GOLGA7B: variants seen among roughly 807,000 people sequenced by gnomAD.
GOLGA7B encodes the protein golgin subfamily A member 7B.
In GOLGA7B, 17 loss-of-function variants were observed where a neutral mutation model predicts 21.5. The observed-to-expected ratio is 0.79, with a 90% confidence interval of 0.54 to 1.19. The LOEUF is 1.19. Ranked by LOEUF, GOLGA7B falls within the 50% of genes most tolerant of loss-of-function variation. The pLI, the probability that GOLGA7B is intolerant of heterozygous loss-of-function variation, is 0.00. For synonymous variants in GOLGA7B, 87 were observed against 84.0 expected (o/e 1.04, Z -0.19); for missense variants, 169 against 224.4 (o/e 0.75, Z 1.58).
rs371480295 is a variant in GOLGA7B, at chr10:97,865,571, C to T, written c.394-19C>T. The stretch of plus-strand genomic sequence containing the variant: ...GCTCAGCAGCTGGGCTCGCAGCTCT[C>T]CTTAACCACCGACCCCAGATTGAGA... On this transcript the variant is annotated intron_variant, in intron 4 of 4. Transcript: ENST00000370602. 1.7e-5 allele frequency: 28 copies of T among 1,612,082 alleles called. No individual in the cohort carries two copies. The African/African-American group carries it at 3.7e-4, about 22-fold the overall frequency.
At chr10:97,855,981 ACCTTTTCAGGAC>A (rs2049932864) in intron 1 of GOLGA7B, among the ~76,000 whole-genome samples, 1 of 152,162 alleles carries the variant, frequency 6.6e-6, no homozygotes, top group Non-Finnish European at 1.5e-5. Flanking sequence ...TTGGATTCCC[ACCTTTTCAGGAC>A]CTTGATCTAC....
intron 2 of GOLGA7B, among the ~76,000 whole-genome samples, chr10:97,862,123 CA>C (rs1251499479): frequency 6.6e-6 from 1 of 152,226 alleles, no homozygotes; most frequent in African/African-American, 2.4e-5. Flanking sequence ...TCTGGTGTTA[CA>C]CAGTGAAGAG....
Position 97,868,280 on chromosome 10 carries a change from TCA to T in GOLGA7B, c.*2583_*2584del, listed in dbSNP as rs1301014054. 2 of 152,306 alleles carry T rather than the reference TCA, an allele frequency of 1.3e-5. No homozygotes were observed. Among genetic ancestry groups the T allele is most frequent in the Non-Finnish European group, 2.9e-5 (2 of 68,096 alleles). 9.4% of individuals were successfully genotyped at this position (152,306 alleles called of 1,614,324 possible). On this transcript the variant is annotated 3_prime_UTR_variant, in exon 5 of 5. Coordinates refer to ENST00000370602, the MANE Select transcript of GOLGA7B (RefSeq NM_001010917.3). ...GGATTTAAAGATCACTTGAATCCTG[TCA>T]CAGAGGTCCAGAGAGGGTGGGTGAC...
At chr10:97,860,646 C>T (rs1039691610) in intron 2 of GOLGA7B, among the ~76,000 whole-genome samples, 1 of 152,216 alleles carries the variant, frequency 6.6e-6, no homozygotes, top group African/African-American at 2.4e-5. Flanking sequence ...AGCCACCATG[C>T]CCAGCCCAAA....
chr10:97,865,268 C>G (rs964384873), intron 4 of GOLGA7B: 1 of 342,324 alleles, frequency 2.9e-6, no homozygotes, highest in Non-Finnish European at 5.3e-6. Flanking sequence ...GTGACACCAC[C>G]TCCCTGGGCA....
rs1280400545 is a variant in GOLGA7B at position 97,865,641 on chromosome 10, G to A, written c.445G>A (p.Gly149Ser). 1.2e-5 allele frequency: 20 copies of A among 1,612,130 alleles called. No homozygotes were observed. The highest frequency in any genetic ancestry group is 1.2e-4 in the African/African-American group (9 of 74,896). ...DRCSSGSSSS[G>S]SSSGSGSSSG... ...GTGCAGCAGTGGCAGCTCCAGCAGC[G>A]GCAGCAGCAGCGGCAGTGGCAGCAG... Residue 149 changes from glycine to serine, a missense_variant, in exon 5 of 5, where the codon GGC (glycine) becomes AGC (serine). Gly to Ser is a moderately conservative substitution (Grantham distance 56). Transcript: ENST00000370602.
Position 97,865,574 on chromosome 10 carries a change from T to C in GOLGA7B, c.394-16T>C. 6.2e-7 allele frequency: 1 copy of C among 1,612,208 alleles called. No homozygotes were observed. Among genetic ancestry groups the C allele is most frequent in the Non-Finnish European group, 8.5e-7 (1 of 1,178,504 alleles). On this transcript the variant is annotated splice_polypyrimidine_tract_variant and intron_variant, in intron 4 of 4. Coordinates refer to ENST00000370602, the MANE Select transcript of GOLGA7B (RefSeq NM_001010917.3). ...CAGCAGCTGGGCTCGCAGCTCTCCTTAACCACCGACCCCAGATTGAGATCT... is the reference window on the plus strand; with the variant it reads ...CAGCAGCTGGGCTCGCAGCTCTCCTCAACCACCGACCCCAGATTGAGATCT...
At chr10:97,863,579 T>G (rs1332114929) in intron 2 of GOLGA7B, among the ~76,000 whole-genome samples, 1 of 152,224 alleles carries the variant, frequency 6.6e-6, no homozygotes, top group African/African-American at 2.4e-5. Context: ...TCGTTTGATC[T>G]TCTGCAGAAA....
chr10:97,859,707 A>G, intron 2 of GOLGA7B, 124 bp downstream of exon 2: 1 of 935,662 alleles, frequency 1.1e-6, no homozygotes, highest in Non-Finnish European at 1.6e-6. Context: ...ATGTTTGGCC[A>G]CTTCAAAAGG....
chr10:97,862,103 T>C (rs1056195476), intron 2 of GOLGA7B, among the ~76,000 whole-genome samples: 1 of 152,234 alleles, frequency 6.6e-6, no homozygotes, highest in African/African-American at 2.4e-5. Context: ...GAATGTGACC[T>C]TCCCGGCTGT....
rs1224482055 is a variant in GOLGA7B, at chr10:97,850,201, G to A, written c.-103G>A. 4 of 760,602 alleles carry A rather than the reference G, an allele frequency of 5.3e-6. No homozygotes were observed. The highest frequency in any genetic ancestry group is 5.6e-6 in the Non-Finnish European group (3 of 531,154). The allele number at this position is 760,602 out of a possible 1,614,324, so 47.1% of individuals were successfully genotyped here. ...ATCAGCACTGCGGACAGCGCCCCGG[G>A]CCCCAGCTCGCCGCCACCGCCGCCG... On this transcript the variant is annotated 5_prime_UTR_variant, in exon 1 of 5. Transcript: ENST00000370602.
intron 1 of GOLGA7B, among the ~76,000 whole-genome samples, chr10:97,856,926 G>GT (rs992729800): frequency 1.3e-4 from 20 of 151,686 alleles, no homozygotes; most frequent in African/African-American, 3.9e-4. Context: ...TAATGGGGTT[G>GT]TTTTTTTTCT....
intron 2 of GOLGA7B, among the ~76,000 whole-genome samples, chr10:97,861,690 C>T (rs994085621): frequency 3.5e-4 from 53 of 152,356 alleles, no homozygotes; most frequent in African/African-American, 1.2e-3. Context: ...CACTCAGCAG[C>T]CCAGGTAGAT....
In GOLGA7B at chr10:97,849,911, G is replaced by C. The variant is rs1346707267; in HGVS notation, c.-393G>C. 1.3e-4 allele frequency: 20 copies of C among 151,998 alleles called. No homozygotes were observed. Among genetic ancestry groups the C allele is most frequent in the Admixed American group, 1.2e-3 (19 of 15,236 alleles). 9.4% of individuals were successfully genotyped at this position (151,998 alleles called of 1,614,324 possible). On this transcript the variant is annotated 5_prime_UTR_variant, in exon 1 of 5. Coordinates refer to ENST00000370602, the MANE Select transcript of GOLGA7B (RefSeq NM_001010917.3). ...GCGGCGCCGGAGTCTGGGGGCCGCG[G>C]CTTCCCCCTCCCGGCCAGCGGCGGC... is the stretch of plus-strand genomic sequence containing the variant.
intron 1 of GOLGA7B, among the ~76,000 whole-genome samples, chr10:97,853,706 C>T (rs1026000551): frequency 6.6e-6 from 1 of 152,136 alleles, no homozygotes; most frequent in Non-Finnish European, 1.5e-5. Flanking sequence ...CCCTGGGAGA[C>T]ACCCAGGGGA....
rs1168249954 is a variant in GOLGA7B at position 97,866,772 on chromosome 10, A to G, written c.*1072A>G. On this transcript the variant is annotated 3_prime_UTR_variant, in exon 5 of 5. Transcript: ENST00000370602. ...TGTGCATGAACATGTGTGCACAAGC[A>G]TGTGTGTATGAGTGTTCATGTGTAT... The G allele has an allele frequency of 6.6e-6, 1 of 152,114 alleles. No individual in the cohort carries two copies. The highest frequency in any genetic ancestry group is 1.5e-5 in the Non-Finnish European group (1 of 67,994). 9.4% of individuals were successfully genotyped at this position (152,114 alleles called of 1,614,324 possible).
rs1471888211 is a variant in GOLGA7B at position 97,865,909 on chromosome 10, T to G, written c.*209T>G. ...TCACCCCCGTCTGGATCAGTCCATT[T>G]CCTGACCTGGGGGCTTTTCCTTCCC... On this transcript the variant is annotated 3_prime_UTR_variant, in exon 5 of 5. Transcript: ENST00000370602. The G allele has an allele frequency of 5.1e-6, 4 of 783,856 alleles. No individual in the cohort carries two copies. Among genetic ancestry groups the G allele is most frequent in the Non-Finnish European group, 7.6e-6 (4 of 529,546 alleles). The allele number at this position is 783,856 out of a possible 1,614,324, so 48.6% of individuals were successfully genotyped here. A position where few individuals can be genotyped will look rare whatever the true frequency, so the allele number is the denominator to read the frequency against.
Position 97,865,719 on chromosome 10 carries a change from A to G in GOLGA7B, c.*19A>G. ...CCGGTGACTGGCCGAGAGTCCCTGT[A>G]GGGAGGTGTATGGCCGGAGTGAGGG... On this transcript the variant is annotated 3_prime_UTR_variant, in exon 5 of 5. Transcript: ENST00000370602. 1 of 1,587,216 alleles carries G rather than the reference A, an allele frequency of 6.3e-7. No individual in the cohort carries two copies. Among genetic ancestry groups the G allele is most frequent in the South Asian group, 1.1e-5 (1 of 88,856 alleles).
At position 97,852,438 on chromosome 10, in the gene GOLGA7B, TG is replaced by T. The variant is rs572937094; in HGVS notation, c.12+2125del. Among the ~76,000 whole-genome samples, 752 of 152,254 alleles carry T rather than the reference TG, an allele frequency of 4.9e-3. 4 individuals are homozygous for T. Among genetic ancestry groups the T allele is most frequent in the African/African-American group, 0.016 (652 of 41,536 alleles). The stretch of plus-strand genomic sequence containing the variant: ...GACAAACATTCCTCACTTCACAATT[TG>T]GCCTTGGGTGGACTCTGATGGCAGA... On this transcript the variant is annotated intron_variant, in intron 1 of 4. Transcript: ENST00000370602.
Sources: gnomAD v4.1 joint callset for allele counts (sites outside exome capture counted in the v4.1 genomes callset) on GRCh38, gnomAD v4.1.1 for gene constraint, MANE v1.5 for transcripts, NCBI Gene and HGNC (gene_info 2026-07-23, HGNC 2026-07-21) for gene names.